KCNQ3: variants seen among roughly 807,000 people sequenced by gnomAD.
KCNQ3 encodes potassium voltage-gated channel subfamily Q member 3.
A neutral mutation model predicts 92.5 loss-of-function variants in KCNQ3; 30 were observed. The ratio of observed to expected loss-of-function variants is 0.32; its 90% confidence interval spans 0.24 to 0.44. The LOEUF is 0.44. Ranked by LOEUF, KCNQ3 falls within the 20% of genes least tolerant of loss-of-function variation. The pLI is 1.00. For missense variants in KCNQ3, 913 were observed against 1,140.3 expected (o/e 0.80, Z 2.87); for synonymous variants, 450 against 468.8 (o/e 0.96, Z 0.52).
rs546470061 is a variant in KCNQ3 at position 132,283,009 on chromosome 8, G to T, written c.387-96828C>A. 1.8e-4 allele frequency among the ~76,000 whole-genome samples: 27 copies of T among 152,168 alleles called. No individual in the cohort carries two copies. The South Asian group carries it at 5.2e-3, about 29-fold the overall frequency. ...GCAGAGAAAAGAAAGGAAGACAGTG[G>T]CTGGGAGGGAATCACAGATGGGAAA... On this transcript the variant is annotated intron_variant, in intron 1 of 14. Coordinates refer to ENST00000388996, the MANE Select transcript of KCNQ3 (RefSeq NM_004519.4).
rs541587196 is a variant in KCNQ3 at position 132,184,231 on chromosome 8, C to A, written c.604+10G>T. The A allele has an allele frequency of 6.2e-6, 10 of 1,614,138 alleles. No homozygotes were observed. The highest frequency in any genetic ancestry group is 3.3e-4 in the Middle Eastern group (2 of 6,062). ...CTGAGGAGGCTGGGAGGCTCAGGGT[C>A]AGGACTTACCCAACATGCACAGGGG... On this transcript the variant is annotated intron_variant, in intron 3 of 14. Transcript: ENST00000388996.
intron 1 of KCNQ3, among the ~76,000 whole-genome samples, chr8:132,222,362 T>C (rs1053870453): frequency 1.3e-5 from 2 of 152,218 alleles, no homozygotes; most frequent in Non-Finnish European, 2.9e-5. Flanking sequence ...TTAGAAAACA[T>C]ATTCACAGCA....
intron 1 of KCNQ3, among the ~76,000 whole-genome samples, chr8:132,389,528 CA>C (rs1819992020): frequency 6.6e-6 from 1 of 152,156 alleles, no homozygotes; most frequent in East Asian, 1.9e-4. Flanking sequence ...TGAGAAAAGG[CA>C]TTTGCTGCAC....
rs1057522486 is a variant in KCNQ3 at position 132,480,476 on chromosome 8, G to A, written c.57C>T (p.Gly19=). ...AGAAGGGGDG[G]GGGGGAANPA... Reference sequence around the variant, plus strand: ...GGTTAGCCGCCCCGCCGCCTCCGCCGCCCCCGTCGCCGCCGCCGCCAGCCG... The same window carrying A: ...GGTTAGCCGCCCCGCCGCCTCCGCCACCCCCGTCGCCGCCGCCGCCAGCCG... The change falls in exon 1 of 15, where the codon GGC becomes GGT. Residue 19 remains glycine (G), a synonymous_variant. Transcript: ENST00000388996. 4 of 1,223,574 alleles carry A rather than the reference G, an allele frequency of 3.3e-6. No homozygotes were observed. The highest frequency in any genetic ancestry group is 3.4e-5 in the East Asian group (1 of 29,410). 75.8% of individuals were successfully genotyped at this position (1,223,574 alleles called of 1,614,324 possible). A position where few individuals can be genotyped will look rare whatever the true frequency, so the allele number is the denominator to read the frequency against.
At chr8:132,306,176 C>T (rs1021939542) in intron 1 of KCNQ3, among the ~76,000 whole-genome samples, 10 of 152,264 alleles carry the variant, frequency 6.6e-5, no homozygotes, top group Middle Eastern at 3.4e-3. Flanking sequence ...TGAACTCAAA[C>T]GTGGGCATTT....
chr8:132,178,524 G>A (rs1051999796), intron 4 of KCNQ3, among the ~76,000 whole-genome samples: 3 of 152,144 alleles, frequency 2.0e-5, no homozygotes, highest in African/African-American at 7.2e-5. Flanking sequence ...TCTCGCATGA[G>A]CACCCAGGAG....
intron 1 of KCNQ3, among the ~76,000 whole-genome samples, chr8:132,234,118 A>C (rs1178838401): frequency 6.6e-6 from 1 of 152,152 alleles, no homozygotes; most frequent in South Asian, 2.1e-4. Flanking sequence ...GTTTTTTTGC[A>C]ATCGAGCCTA....
intron 1 of KCNQ3, among the ~76,000 whole-genome samples, chr8:132,443,889 T>C (rs73708469): frequency 6.6e-6 from 1 of 152,166 alleles, no homozygotes; most frequent in Non-Finnish European, 1.5e-5. Flanking sequence ...CAACAACTAC[T>C]TTCACACAGC....
At chr8:132,255,342 C>G (rs533058527) in intron 1 of KCNQ3, among the ~76,000 whole-genome samples, 1 of 152,318 alleles carries the variant, frequency 6.6e-6, no homozygotes, top group Admixed American at 6.5e-5. Flanking sequence ...ACTTTTCCCT[C>G]AGAGAAGTTT....
intron 1 of KCNQ3, among the ~76,000 whole-genome samples, chr8:132,456,219 T>C (rs1329692794): frequency 2.0e-5 from 3 of 152,148 alleles, no homozygotes; most frequent in East Asian, 3.9e-4. Context: ...TCATCCACAT[T>C]CTCTCTGCCC....
intron 1 of KCNQ3, among the ~76,000 whole-genome samples, chr8:132,311,805 T>G (rs1586917685): frequency 6.6e-6 from 1 of 152,090 alleles, no homozygotes; most frequent in Non-Finnish European, 1.5e-5. Flanking sequence ...GCTGAGCAGA[T>G]GTAGTTGAGC....
rs559145622 is a variant in KCNQ3, at chr8:132,288,241, T to C, written c.387-102060A>G. Among the ~76,000 whole-genome samples, 69 of 152,332 alleles carry C rather than the reference T, an allele frequency of 4.5e-4. 1 individual carries two copies. Among genetic ancestry groups the C allele is most frequent in the Admixed American group, 5.9e-4 (9 of 15,294 alleles). On this transcript the variant is annotated intron_variant, in intron 1 of 14. Coordinates refer to ENST00000388996, the MANE Select transcript of KCNQ3 (RefSeq NM_004519.4). ...ATTGCAAAGTTATTCCCTAATAAAA[T>C]TGGATTAATTTAGCCCCCCACAAAC...
chr8:132,153,733 AGC>A (rs1491577866), intron 9 of KCNQ3, among the ~76,000 whole-genome samples: 6 of 89,992 alleles, frequency 6.7e-5, no homozygotes, highest in African/African-American at 2.6e-4. Context: ...CTACCCCGCA[AGC>A]CCCCCCCCCA....
chr8:132,448,892 A>C (rs949022084), intron 1 of KCNQ3, among the ~76,000 whole-genome samples: 1 of 152,238 alleles, frequency 6.6e-6, no homozygotes, highest in African/African-American at 2.4e-5. Context: ...GAAGGAAATC[A>C]TCTTGAACAC....
At chr8:132,350,501 C>T (rs1194339487) in intron 1 of KCNQ3, among the ~76,000 whole-genome samples, 2 of 152,096 alleles carry the variant, frequency 1.3e-5, no homozygotes, top group Non-Finnish European at 2.9e-5. Flanking sequence ...GGCACTGATT[C>T]CAAAGCAGGG....
At chr8:132,171,927 A>G (rs1169353866) in intron 7 of KCNQ3, among the ~76,000 whole-genome samples, 1 of 152,148 alleles carries the variant, frequency 6.6e-6, no homozygotes, top group Non-Finnish European at 1.5e-5. Flanking sequence ...AGGCCAAAGC[A>G]GGAGGATGGC....
At chr8:132,344,222 C>T (rs1215739442) in intron 1 of KCNQ3, among the ~76,000 whole-genome samples, 1 of 152,170 alleles carries the variant, frequency 6.6e-6, no homozygotes. Flanking sequence ...AGGGTCAGTA[C>T]CCTATTCTCT....
At chr8:132,395,440 T>C (rs1820168115) in intron 1 of KCNQ3, among the ~76,000 whole-genome samples, 1 of 152,226 alleles carries the variant, frequency 6.6e-6, no homozygotes, top group Non-Finnish European at 1.5e-5. Context: ...AGCAAAGAGA[T>C]GCCTTAGAGT....
At chr8:132,189,502 A>T (rs1433422658) in intron 1 of KCNQ3, among the ~76,000 whole-genome samples, 3 of 152,188 alleles carry the variant, frequency 2.0e-5, no homozygotes, top group Non-Finnish European at 4.4e-5. Context: ...CCCTTAAAAC[A>T]TGAGACTGCT....
Sources: gnomAD v4.1 joint callset for allele counts (sites outside exome capture counted in the v4.1 genomes callset) on GRCh38, gnomAD v4.1.1 for gene constraint, MANE v1.5 for transcripts, NCBI Gene and HGNC (gene_info 2026-07-23, HGNC 2026-07-21) for gene names.